PON1: variants seen among roughly 807,000 people sequenced by gnomAD.
The protein encoded by PON1 is serum paraoxonase/arylesterase 1.
In PON1, 37 loss-of-function variants were observed where a neutral mutation model predicts 39.2. The ratio of observed to expected loss-of-function variants is 0.94; its 90% CI spans 0.73 to 1.24. The LOEUF (loss-of-function observed/expected upper bound fraction) is 1.24. PON1 is among the 50% of genes most tolerant of loss of function. PON1 has a pLI of 0.00. For synonymous variants in PON1, 148 were observed against 152.2 expected (o/e 0.97, Z 0.21); for missense variants, 397 against 413.5 (o/e 0.96, Z 0.35).
intron 4 of PON1, among the ~76,000 whole-genome samples, chr7:95,313,085 A>G (rs1043378938): frequency 2.0e-5 from 3 of 152,226 alleles, no homozygotes; most frequent in African/African-American, 7.2e-5. Context: ...TGCCACTGGC[A>G]ATAAAAGGCA....
chr7:95,317,492 T>C (rs1037774963), intron 2 of PON1, among the ~76,000 whole-genome samples: 1 of 148,518 alleles, frequency 6.7e-6, no homozygotes, highest in African/African-American at 2.5e-5. Context: ...CCATAAGATA[T>C]CTAGTGAAAT....
intron 7 of PON1, among the ~76,000 whole-genome samples, chr7:95,302,642 AG>A (rs1051257672): frequency 2.6e-5 from 4 of 152,054 alleles, no homozygotes; most frequent in East Asian, 1.9e-4. Flanking sequence ...GAAAAAAAAA[AG>A]AAGTTTTCGG....
At position 95,318,464 on chromosome 7, in the gene PON1, G is replaced by A. The variant is rs1585700743; in HGVS notation, c.75-71C>T. 22 of 1,360,402 alleles carry A rather than the reference G, an allele frequency of 1.6e-5. No homozygotes were observed. The East Asian group carries it at 5.1e-4, about 31-fold the overall frequency. The allele number at this position is 1,360,402 out of a possible 1,614,324, so 84.3% of individuals were successfully genotyped here. ...TTATAATAAGTTGCAAAGGTAGGCA[G>A]TCCACAAAAGTTCTCCTTCACTGTA... On this transcript the variant is annotated intron_variant, in intron 1 of 8. Coordinates refer to ENST00000222381, the MANE Select transcript of PON1 (RefSeq NM_000446.7).
chr7:95,311,628 C>T (rs769080997), intron 4 of PON1, 51 bp from the exon 5 acceptor site: 2 of 1,610,758 alleles, frequency 1.2e-6, no homozygotes, highest in Admixed American at 1.7e-5. Context: ...CTCTCACTGT[C>T]AGCCCTCTCT....
intron 7 of PON1, among the ~76,000 whole-genome samples, chr7:95,302,759 T>C (rs923570311): frequency 2.6e-5 from 4 of 152,190 alleles, no homozygotes; most frequent in Non-Finnish European, 5.9e-5. Context: ...AGAATATCAA[T>C]GAAATGTGGA....
intron 4 of PON1, among the ~76,000 whole-genome samples, chr7:95,312,878 TGCTGGGA>T (rs759956823): frequency 2.0e-5 from 3 of 152,118 alleles, no homozygotes; most frequent in Non-Finnish European, 4.4e-5. Flanking sequence ...TGTGAGGTTG[TGCTGGGA>T]GCAGAGTGAA....
At chr7:95,322,440 T>C (rs1807919962) in intron 1 of PON1, among the ~76,000 whole-genome samples, 1 of 151,786 alleles carries the variant, frequency 6.6e-6, no homozygotes, top group Non-Finnish European at 1.5e-5. Context: ...AATAAAGTGG[T>C]AAAATAACTT....
chr7:95,302,177 AC>A (rs762535793), intron 8 of PON1, 27 bp downstream of exon 8: 1 of 1,585,084 alleles, frequency 6.3e-7, no homozygotes, highest in Non-Finnish European at 8.6e-7. Flanking sequence ...GAATAAAGTC[AC>A]TTATCTGGTT....
At chr7:95,309,753 A>G (rs1272418715) in intron 5 of PON1, among the ~76,000 whole-genome samples, 1 of 152,206 alleles carries the variant, frequency 6.6e-6, no homozygotes, top group East Asian at 1.9e-4. Context: ...CCTTCACACC[A>G]TGCCTGGCAT....
At chr7:95,308,426 C>T (rs1807587500) in intron 5 of PON1, among the ~76,000 whole-genome samples, 1 of 151,712 alleles carries the variant, frequency 6.6e-6, no homozygotes, top group South Asian at 2.1e-4. Context: ...GTGATTATAG[C>T]ACTGTAACAT....
chr7:95,310,061 T>A (rs1277851576), intron 5 of PON1, among the ~76,000 whole-genome samples: 1 of 152,166 alleles, frequency 6.6e-6, no homozygotes, highest in Admixed American at 6.5e-5. Context: ...TTAAAACACA[T>A]AATTTTTTTC....
In PON1 at chr7:95,310,978, A is replaced by T. The variant is rs555363530; in HGVS notation, c.497+473T>A. Among the ~76,000 whole-genome samples, 17 of 152,276 alleles carry T rather than the reference A, an allele frequency of 1.1e-4. No individual in the cohort carries two copies. The South Asian group carries it at 3.3e-3, about 30-fold the overall frequency. ...TTACCACAGATCTGCTATTGCATAA[A>T]TTTTGTGCAATCAAACAGCAGCGGA... On this transcript the variant is annotated intron_variant, in intron 5 of 8. Coordinates refer to ENST00000222381, the MANE Select transcript of PON1 (RefSeq NM_000446.7).
chr7:95,305,762 C>T (rs1249170420), intron 7 of PON1, among the ~76,000 whole-genome samples: 3 of 151,944 alleles, frequency 2.0e-5, no homozygotes, highest in Admixed American at 2.0e-4. Flanking sequence ...TGGCAGGAGA[C>T]GTGGGGCAGG....
At chr7:95,303,529 T>C (rs975669470) in intron 7 of PON1, among the ~76,000 whole-genome samples, 17 of 151,592 alleles carry the variant, frequency 1.1e-4, no homozygotes, top group African/African-American at 3.9e-4. Flanking sequence ...AGAGTGGGAG[T>C]GGGAGAAGGA....
Position 95,318,313 on chromosome 7 carries a change from A to T in PON1, c.145+10T>A, listed in dbSNP as rs1807816208. The T allele has an allele frequency of 6.3e-7, 1 of 1,591,942 alleles. No individual in the cohort carries two copies. The highest frequency in any genetic ancestry group is 2.2e-5 in the East Asian group (1 of 44,744). On this transcript the variant is annotated intron_variant, in intron 2 of 8. Coordinates refer to ENST00000222381, the MANE Select transcript of PON1 (RefSeq NM_000446.7). ...TTCAAATGAGACCCTTCTTCCTCTC[A>T]CATACATACCGATTCCTTTAACTAA...
intron 2 of PON1, among the ~76,000 whole-genome samples, chr7:95,317,434 C>G (rs1807792034): frequency 6.6e-6 from 1 of 151,404 alleles, no homozygotes; most frequent in African/African-American, 2.4e-5. Flanking sequence ...TTTCAAAAAC[C>G]CAGTGATATT....
Position 95,297,947 on chromosome 7 carries a change from TAA to T in PON1, c.*995_*996del, listed in dbSNP as rs1306077359. ...TATATCAGTTTCTATAACAAAATGA[TAA>T]AGTCATGTTTTCTTCCTAGTCATGT... On this transcript the variant is annotated 3_prime_UTR_variant, in exon 9 of 9. Coordinates refer to ENST00000222381, the MANE Select transcript of PON1 (RefSeq NM_000446.7). The T allele has an allele frequency of 1.3e-5, 2 of 152,206 alleles. No homozygotes were observed. Among genetic ancestry groups the T allele is most frequent in the African/African-American group, 4.8e-5 (2 of 41,466 alleles). 9.4% of individuals were successfully genotyped at this position (152,206 alleles called of 1,614,324 possible).
chr7:95,323,649 C>G (rs1286821492), intron 1 of PON1, among the ~76,000 whole-genome samples: 1 of 152,166 alleles, frequency 6.6e-6, no homozygotes, highest in African/African-American at 2.4e-5. Flanking sequence ...TCCCCACCCC[C>G]CTTGTATAGC....
intron 1 of PON1, among the ~76,000 whole-genome samples, chr7:95,323,377 A>C (rs552734985): frequency 1.0e-3 from 157 of 152,330 alleles, no homozygotes; most frequent in Middle Eastern, 6.8e-3. Flanking sequence ...AAAGCCAAGA[A>C]TACCAACTGC....
Sources: allele counts gnomAD v4.1 joint callset (sites outside exome capture counted in the v4.1 genomes callset), GRCh38; gene constraint gnomAD v4.1.1; transcripts MANE v1.5; gene names NCBI Gene and HGNC (gene_info 2026-07-23, HGNC 2026-07-21).